Variants in DSCC1 observed in about 807,000 individuals in gnomAD.
DSCC1 encodes the protein sister chromatid cohesion protein DCC1.
DSCC1 carries 32 observed loss-of-function variants against 48.2 expected under a neutral mutation model. The observed-to-expected ratio is 0.66, with a 90% CI of 0.50 to 0.89. The LOEUF is 0.89. Ranked by LOEUF, DSCC1 falls within the 40% of genes least tolerant of loss-of-function variation. The probability of loss-of-function intolerance (pLI) is 0.00; values close to 1 mark genes in which losing one functional copy is unlikely to be tolerated. For synonymous variants in DSCC1, 150 were observed against 171.5 expected, an observed-to-expected ratio of 0.87 and a Z score of 0.98; for missense variants, 421 against 471.7, an observed-to-expected ratio of 0.89 and a Z score of 1.00.
At chr8:119,848,166 T>C (rs1826889577) in intron 3 of DSCC1, among the ~76,000 whole-genome samples, 1 of 152,144 alleles carries the variant, frequency 6.6e-6, no homozygotes, top group South Asian at 2.1e-4. Flanking sequence ...TCTTGCTATG[T>C]TGCCCAGACT....
intron 6 of DSCC1, 100 bp downstream of exon 6, chr8:119,842,676 G>T (rs1296959638): frequency 9.1e-7 from 1 of 1,097,922 alleles, no homozygotes; most frequent in Non-Finnish European, 1.4e-6. Flanking sequence ...GTGAGCCACT[G>T]CACCCAGCCA....
Position 119,847,143 on chromosome 8 carries a change from G to C in DSCC1, c.487-63C>G, listed in dbSNP as rs543965163. Reference sequence around the variant, plus strand: ...ATATTTTGTTTTTAGATTTCTTGCTGAATATTGAGGAATAAATACATAGAA... The same window carrying C: ...ATATTTTGTTTTTAGATTTCTTGCTCAATATTGAGGAATAAATACATAGAA... On this transcript the variant is annotated intron_variant, in intron 3 of 8. Transcript: ENST00000313655. 2.4e-5 allele frequency: 32 copies of C among 1,337,952 alleles called. No individual in the cohort carries two copies. In the South Asian group the frequency reaches 3.8e-4, roughly 16 times the overall value. The allele number at this position is 1,337,952 out of a possible 1,614,324, so 82.9% of individuals were successfully genotyped here.
chr8:119,855,212 CCTAT>C (rs1166562329), intron 1 of DSCC1, among the ~76,000 whole-genome samples: 23 of 152,316 alleles, frequency 1.5e-4, no homozygotes, highest in African/African-American at 5.1e-4. Flanking sequence ...CCCAGCACTT[CCTAT>C]CTATCATCTG....
At chr8:119,852,985 T>A (rs1209695183) in intron 2 of DSCC1, 62 bp downstream of exon 2, 2 of 1,405,926 alleles carry the variant, frequency 1.4e-6, no homozygotes, top group African/African-American at 2.9e-5. Flanking sequence ...TAACTAAAGA[T>A]CAAATTACCA....
intron 8 of DSCC1, among the ~76,000 whole-genome samples, chr8:119,835,701 T>C (rs971443499): frequency 6.6e-6 from 1 of 152,106 alleles, no homozygotes; most frequent in Non-Finnish European, 1.5e-5. Context: ...ATACAAGCAG[T>C]GTAATACAGT....
chr8:119,849,134 G>A (rs1194607427), intron 3 of DSCC1, among the ~76,000 whole-genome samples: 3 of 133,174 alleles, frequency 2.3e-5, no homozygotes, highest in African/African-American at 5.6e-5. Context: ...GCAGTGAGCC[G>A]AGATCGCGCC....
chr8:119,841,963 T>C lies in DSCC1; in HGVS notation c.770-15A>G. On this transcript the variant is annotated splice_polypyrimidine_tract_variant and intron_variant, in intron 6 of 8. Transcript: ENST00000313655. ...ATAAACTTCGCCTAAGGAAAAGTTA[T>C]CAGATATTTTCATATTATCATCTTA... is the stretch of plus-strand genomic sequence containing the variant. The C allele has an allele frequency of 6.2e-7, 1 of 1,609,982 alleles. No homozygotes were observed. The highest frequency in any genetic ancestry group is 8.5e-7 in the Non-Finnish European group (1 of 1,177,026).
At chr8:119,837,631 G>A (rs956069715) in intron 8 of DSCC1, among the ~76,000 whole-genome samples, 7 of 152,158 alleles carry the variant, frequency 4.6e-5, no homozygotes, top group South Asian at 2.1e-4. Context: ...AGCTGGCCAC[G>A]TGTAGGCACA....
intron 3 of DSCC1, among the ~76,000 whole-genome samples, chr8:119,848,023 G>A (rs79054404): frequency 0.011 from 1,703 of 152,026 alleles, 35 homozygotes; most frequent in African/African-American, 0.039. Flanking sequence ...CCATCAGGCT[G>A]GACTGCAGTG....
chr8:119,839,578 G>A (rs978113133), intron 7 of DSCC1: 1 of 152,194 alleles, frequency 6.6e-6, no homozygotes, highest in African/African-American at 2.4e-5. Flanking sequence ...TGTCCATCTT[G>A]TTTATTGTCA....
chr8:119,848,323 C>T (rs993191072), intron 3 of DSCC1, among the ~76,000 whole-genome samples: 1 of 151,900 alleles, frequency 6.6e-6, no homozygotes, highest in African/African-American at 2.4e-5. Flanking sequence ...GCAAGAAAGT[C>T]GAAAGACAAC....
At position 119,841,837 on chromosome 8, in the gene DSCC1, T is replaced by C; in HGVS notation, c.881A>G (p.Gln294Arg). ...AGTTACCATTCCTTCAGGAACACTC[T>C]GCTGCCACACTTCTTGAAACTCAGC... Reference protein sequence around the residue: ...NLAEFQEVWQQSVPEGMVTSL... With the variant: ...NLAEFQEVWQRSVPEGMVTSL... The change falls in exon 7 of 9, where the codon CAG becomes CGG. Residue 294 changes from glutamine to arginine, a missense_variant. This residue lies in a region of DSCC1 where 238 missense variants were observed against 259.0 expected (regional missense o/e 0.92). Transcript: ENST00000313655. The C allele has an allele frequency of 6.2e-7, 1 of 1,614,140 alleles. No homozygotes were observed. Among genetic ancestry groups the C allele is most frequent in the Non-Finnish European group, 8.5e-7 (1 of 1,180,016 alleles).
rs532481544 is a variant in DSCC1 at position 119,852,964 on chromosome 8, C to T, written c.351+83G>A. On this transcript the variant is annotated intron_variant, in intron 2 of 8. Transcript: ENST00000313655. Reference sequence around the variant, plus strand: ...ATTCTCCCTGATTATAGATTTTACACGTAAACTTTTTAACTAAAGATCAAA... The same window carrying T: ...ATTCTCCCTGATTATAGATTTTACATGTAAACTTTTTAACTAAAGATCAAA... The T allele has an allele frequency of 5.3e-5, 68 of 1,285,378 alleles. No individual in the cohort carries two copies. The highest frequency in any genetic ancestry group is 2.5e-4 in the Admixed American group (9 of 36,368). 79.6% of individuals were successfully genotyped at this position (1,285,378 alleles called of 1,614,324 possible).
intron 7 of DSCC1, chr8:119,839,544 T>G (rs1028198739): frequency 4.6e-5 from 7 of 152,272 alleles, no homozygotes; most frequent in Admixed American, 6.5e-5. Flanking sequence ...TAATCCTTTT[T>G]CATAATCTAA....
At chr8:119,837,705 G>T (rs944527073) in intron 8 of DSCC1, among the ~76,000 whole-genome samples, 1 of 152,202 alleles carries the variant, frequency 6.6e-6, no homozygotes, top group Non-Finnish European at 1.5e-5. Flanking sequence ...GCAAGAGGGA[G>T]AGAGGGCCAC....
At chr8:119,844,511 C>T (rs1462131578) in intron 4 of DSCC1, among the ~76,000 whole-genome samples, 1 of 147,308 alleles carries the variant, frequency 6.8e-6, no homozygotes, top group Non-Finnish European at 1.5e-5. Context: ...TCATTTTAAA[C>T]TGTGTCTTCA....
chr8:119,842,265 G>C (rs1826783873), intron 6 of DSCC1, among the ~76,000 whole-genome samples: 1 of 151,896 alleles, frequency 6.6e-6, no homozygotes, highest in South Asian at 2.1e-4. Context: ...GTAGAGATGG[G>C]GTTTCACCAT....
chr8:119,840,166 C>G (rs918167238), intron 7 of DSCC1: 1 of 152,094 alleles, frequency 6.6e-6, no homozygotes, highest in African/African-American at 2.4e-5. Flanking sequence ...AAATATTTAC[C>G]AAGTATACGC....
At chr8:119,853,668 T>A (rs1257988582) in intron 1 of DSCC1, among the ~76,000 whole-genome samples, 1 of 151,786 alleles carries the variant, frequency 6.6e-6, no homozygotes, top group Non-Finnish European at 1.5e-5. Context: ...GGACCCAGGG[T>A]CCCGTATTTC....
Sources: allele counts gnomAD v4.1 joint callset (sites outside exome capture counted in the v4.1 genomes callset), GRCh38; gene constraint gnomAD v4.1.1; regional missense constraint gnomAD v4.1.1; transcripts MANE v1.5; gene names NCBI Gene and HGNC (gene_info 2026-07-23, HGNC 2026-07-21).